Variants in GRAMD1B observed in about 807,000 individuals in gnomAD.
The protein encoded by GRAMD1B is protein Aster-B.
A neutral mutation model predicts 99.7 loss-of-function variants in GRAMD1B; 37 were observed. The ratio of observed to expected loss-of-function variants is 0.37; its 90% confidence interval spans 0.29 to 0.49. GRAMD1B has a LOEUF of 0.49. Among genes scored for constraint, GRAMD1B ranks in the 20% least tolerant of loss-of-function variants. The pLI, the probability that GRAMD1B is intolerant of heterozygous loss-of-function variation, is 0.98. For missense variants in GRAMD1B, 888 were observed against 1,009.2 expected, an observed-to-expected ratio of 0.88 and a Z score of 1.63; for synonymous variants, 427 against 387.6, an observed-to-expected ratio of 1.10 and a Z score of -1.19.
At chr11:123,408,939 A>C (rs948677966) in intron 1 of GRAMD1B, among the ~76,000 whole-genome samples, 1 of 152,254 alleles carries the variant, frequency 6.6e-6, no homozygotes, top group Non-Finnish European at 1.5e-5. Context: ...CTATTGTTTC[A>C]GAAGACTAGA....
chr11:123,424,628 T>C (rs951040354), intron 1 of GRAMD1B, among the ~76,000 whole-genome samples: 5 of 152,252 alleles, frequency 3.3e-5, no homozygotes, highest in African/African-American at 1.2e-4. Flanking sequence ...AATGCTTTTA[T>C]TCAAACTGCT....
intron 2 of GRAMD1B, among the ~76,000 whole-genome samples, chr11:123,522,311 T>C (rs1350039422): frequency 6.6e-6 from 1 of 152,148 alleles, no homozygotes; most frequent in East Asian, 1.9e-4. Flanking sequence ...GATCACCTTT[T>C]GAGATTTTCT....
chr11:123,422,632 T>C (rs878859847), intron 1 of GRAMD1B, among the ~76,000 whole-genome samples: 1 of 152,220 alleles, frequency 6.6e-6, no homozygotes. Context: ...AATGTTCTTT[T>C]TGGAATTCCA....
At chr11:123,425,131 C>A (rs903671997) in intron 1 of GRAMD1B, among the ~76,000 whole-genome samples, 8 of 152,178 alleles carry the variant, frequency 5.3e-5, no homozygotes, top group Admixed American at 3.9e-4. Flanking sequence ...AACTGAGTTG[C>A]AGAGAAGTTA....
chr11:123,420,077 A>G (rs762997099), intron 1 of GRAMD1B, among the ~76,000 whole-genome samples: 2 of 152,250 alleles, frequency 1.3e-5, no homozygotes, highest in African/African-American at 2.4e-5. Context: ...TACCTGTGGA[A>G]GCTAAACTAG....
At chr11:123,544,256 T>A (rs1944841249) in intron 2 of GRAMD1B, among the ~76,000 whole-genome samples, 1 of 152,308 alleles carries the variant, frequency 6.6e-6, no homozygotes, top group Middle Eastern at 3.4e-3. Context: ...GCTCAATGTA[T>A]GCCAATATTG....
At chr11:123,584,461 C>G (rs1468676329) in intron 4 of GRAMD1B, 129 bp downstream of exon 4, 1 of 1,640 alleles carries the variant, frequency 6.1e-4, no homozygotes, top group Non-Finnish European at 1.2e-3. Context: ...CCCTTTGCTC[C>G]TAAACCAGCT....
Position 123,380,290 on chromosome 11 carries a change from T to G in GRAMD1B, c.-176+21491T>G, listed in dbSNP as rs118097718. Reference sequence around the variant, plus strand: ...ATTTATGCCAATGCTTCTGAGAGTTTTATAGTTTTAGCTCTTACATTTAGG... The same window carrying G: ...ATTTATGCCAATGCTTCTGAGAGTTGTATAGTTTTAGCTCTTACATTTAGG... On this transcript the variant is annotated intron_variant, in intron 1 of 20. Coordinates refer to the GRAMD1B transcript ENST00000638157. Among the ~76,000 whole-genome samples the G allele has an allele frequency of 3.2e-4, 48 of 152,340 alleles. 1 individual carries two copies. In the East Asian group the frequency reaches 8.9e-3, roughly 28 times the overall value.
rs140362865 is a variant in GRAMD1B, at chr11:123,597,707, C to A, written c.969+1670C>A. On this transcript the variant is annotated intron_variant, in intron 7 of 19. Transcript: ENST00000635736. The stretch of plus-strand genomic sequence containing the variant: ...CCAGACGCACTGAGTTAGTCCATAA[C>A]CCTGGGCTTCAGAACAAGGTCTGGT... 3.0e-3 allele frequency among the ~76,000 whole-genome samples: 463 copies of A among 152,326 alleles called. 4 individuals are homozygous for A. Among genetic ancestry groups the A allele is most frequent in the Admixed American group, 0.012 (185 of 15,306 alleles).
intron 11 of GRAMD1B, among the ~76,000 whole-genome samples, chr11:123,607,641 C>T (rs764864238): frequency 6.6e-6 from 1 of 152,202 alleles, no homozygotes. Context: ...TGTGAATACC[C>T]GCTGCGCTGC....
intron 1 of GRAMD1B, among the ~76,000 whole-genome samples, chr11:123,407,899 G>A (rs114787490): frequency 0.011 from 1,640 of 152,294 alleles, 24 homozygotes; most frequent in African/African-American, 0.035. Flanking sequence ...ATAGACAATA[G>A]GCAAATGGCT....
chr11:123,613,843 C>T (rs150484035), intron 16 of GRAMD1B, among the ~76,000 whole-genome samples, 185 bp downstream of exon 16: 343 of 152,328 alleles, frequency 2.3e-3, no homozygotes, highest in South Asian at 0.011. Context: ...AGTTCCTCAG[C>T]CCCAGCTGAA....
chr11:123,512,509 A>G (rs1167915705), intron 2 of GRAMD1B, among the ~76,000 whole-genome samples: 1 of 152,276 alleles, frequency 6.6e-6, no homozygotes, highest in African/African-American at 2.4e-5. Context: ...CTAAGCAGGT[A>G]TAGCATCAGA....
intron 2 of GRAMD1B, among the ~76,000 whole-genome samples, chr11:123,498,074 G>A (rs528355672): frequency 5.3e-5 from 8 of 152,220 alleles, no homozygotes; most frequent in African/African-American, 1.9e-4. Flanking sequence ...AAAGTCCAAA[G>A]ACTTTTCATT....
chr11:123,497,406 G>A (rs974908116), intron 2 of GRAMD1B, among the ~76,000 whole-genome samples: 4 of 152,182 alleles, frequency 2.6e-5, no homozygotes, highest in Non-Finnish European at 5.9e-5. Context: ...AAAGCCTGCT[G>A]TAACCATGAC....
At chr11:123,450,551 G>T (rs554980936) in intron 1 of GRAMD1B, among the ~76,000 whole-genome samples, 2 of 152,158 alleles carry the variant, frequency 1.3e-5, no homozygotes, top group African/African-American at 2.4e-5. Flanking sequence ...GTTTAAAAGC[G>T]AATTATTTGG....
At chr11:123,415,095 CTTTTTTTTTTTTT>C (rs1175202539) in intron 1 of GRAMD1B, among the ~76,000 whole-genome samples, 6 of 75,832 alleles carry the variant, frequency 7.9e-5, no homozygotes, top group African/African-American at 2.1e-4. Context: ...CTTTTTCTTT[CTTTTTTTTTTTTT>C]TTTTTTTTTT....
At chr11:123,365,054 TTG>T (rs1565450749) in intron 1 of GRAMD1B, among the ~76,000 whole-genome samples, 1 of 152,214 alleles carries the variant, frequency 6.6e-6, no homozygotes, top group Non-Finnish European at 1.5e-5. Context: ...CGCTATTCTG[TTG>T]TTTTATTTAA....
In GRAMD1B at chr11:123,367,655, A is replaced by G. The variant is rs549450168; in HGVS notation, c.-176+8856A>G. Among the ~76,000 whole-genome samples, 3 of 151,706 alleles carry G rather than the reference A, an allele frequency of 2.0e-5. No individual in the cohort carries two copies. The South Asian group carries it at 6.3e-4, about 32-fold the overall frequency. ...GGAGCCTGCTTGTGAAGGTCCAGTTATGCAGCTTGTAGTTAACTGAGGCAA... is the reference window on the plus strand; with the variant it reads ...GGAGCCTGCTTGTGAAGGTCCAGTTGTGCAGCTTGTAGTTAACTGAGGCAA... On this transcript the variant is annotated intron_variant, in intron 1 of 20. Coordinates refer to the GRAMD1B transcript ENST00000638157.
Sources: gnomAD v4.1 joint callset for allele counts (sites outside exome capture counted in the v4.1 genomes callset) on GRCh38, gnomAD v4.1.1 for gene constraint, MANE v1.5 for transcripts, NCBI Gene and HGNC (gene_info 2026-07-23, HGNC 2026-07-21) for gene names.